Variants in ACVR1 observed in about 807,000 individuals in gnomAD.
ACVR1 encodes the protein activin A receptor type 1, also known as activin receptor type-1.
A neutral mutation model predicts 57.1 loss-of-function variants in ACVR1; 38 were observed. That is an observed-to-expected ratio of 0.67 (90% CI 0.51 to 0.87). The LOEUF (loss-of-function observed/expected upper bound fraction) is 0.87. Ranked by LOEUF, ACVR1 falls within the 40% of genes least tolerant of loss-of-function variation. ACVR1 has a pLI of 0.00. For synonymous variants in ACVR1, 212 were observed against 228.1 expected (o/e 0.93, Z 0.63); for missense variants, 463 against 638.2 (o/e 0.73, Z 2.96).
At chr2:157,772,976 TC>T (rs965044318) in intron 6 of ACVR1, among the ~76,000 whole-genome samples, 1 of 152,162 alleles carries the variant, frequency 6.6e-6, no homozygotes, top group African/African-American at 2.4e-5. Context: ...GGGGTGTCCC[TC>T]TTTCCATGAA....
At chr2:157,839,511 T>A (rs1371426777) in intron 1 of ACVR1, among the ~76,000 whole-genome samples, 1 of 152,160 alleles carries the variant, frequency 6.6e-6, no homozygotes, top group Non-Finnish European at 1.5e-5. Context: ...TGAATCTGAA[T>A]GGCCCAGGGA....
At chr2:157,757,316 A>C (rs1369450122) in intron 9 of ACVR1, among the ~76,000 whole-genome samples, 1 of 151,766 alleles carries the variant, frequency 6.6e-6, no homozygotes, top group Non-Finnish European at 1.5e-5. Context: ...AAGGCATAGA[A>C]AACTTATCCC....
At chr2:157,793,555 C>T (rs1686999188) in intron 3 of ACVR1, among the ~76,000 whole-genome samples, 2 of 152,164 alleles carry the variant, frequency 1.3e-5, no homozygotes, top group South Asian at 4.1e-4. Context: ...CAGATATTTA[C>T]ATTCTAGGTC....
chr2:157,774,408 A>G (rs1686193858), intron 5 of ACVR1, among the ~76,000 whole-genome samples: 1 of 152,224 alleles, frequency 6.6e-6, no homozygotes, highest in Non-Finnish European at 1.5e-5. Context: ...CTTGTTGCCC[A>G]GGCTGCAGTT....
intron 5 of ACVR1, among the ~76,000 whole-genome samples, chr2:157,776,025 G>A (rs72921044): frequency 0.063 from 9,596 of 152,272 alleles, 321 homozygotes; most frequent in Non-Finnish European, 0.089. Context: ...GCATGGCCAA[G>A]GCTTGTTTTT....
chr2:157,739,729 G>A (rs898490306), intron 9 of ACVR1, among the ~76,000 whole-genome samples: 4 of 152,092 alleles, frequency 2.6e-5, no homozygotes, highest in African/African-American at 9.7e-5. Context: ...CTCAACAGTG[G>A]GAATCCATCC....
chr2:157,743,422 G>T (rs74425375), intron 9 of ACVR1, among the ~76,000 whole-genome samples: 1 of 151,696 alleles, frequency 6.6e-6, no homozygotes. Flanking sequence ...CCTTTAAATC[G>T]GATATTCTGG....
In ACVR1 at chr2:157,737,283, G is replaced by A. The variant is rs1684567802; in HGVS notation, c.*248C>T. The A allele has an allele frequency of 3.5e-6, 2 of 565,836 alleles. No individual in the cohort carries two copies. Among genetic ancestry groups the A allele is most frequent in the African/African-American group, 1.9e-5 (1 of 53,506 alleles). 35.1% of individuals were successfully genotyped at this position (565,836 alleles called of 1,614,324 possible). On this transcript the variant is annotated 3_prime_UTR_variant, in exon 11 of 11. Coordinates refer to ENST00000434821, the MANE Select transcript of ACVR1 (RefSeq NM_001111067.4). ...CTCCAGTCCCTACCTTTGCAACAGTGTCTGTCCAACATTAGTCTCTGCAGT... is the reference window on the plus strand; with the variant it reads ...CTCCAGTCCCTACCTTTGCAACAGTATCTGTCCAACATTAGTCTCTGCAGT...
At chr2:157,774,436 T>C (rs1686195387) in intron 5 of ACVR1, among the ~76,000 whole-genome samples, 1 of 152,126 alleles carries the variant, frequency 6.6e-6, no homozygotes, top group Admixed American at 6.6e-5. Flanking sequence ...GCAATCTGGG[T>C]TCACTGCAAC....
intron 3 of ACVR1, among the ~76,000 whole-genome samples, chr2:157,793,251 A>C (rs2105297752): frequency 6.6e-6 from 1 of 152,260 alleles, no homozygotes; most frequent in South Asian, 2.1e-4. Flanking sequence ...TTAGGTGTTG[A>C]ATTTGTTTTC....
At chr2:157,737,800 CT>C in intron 10 of ACVR1, 135 bp from the exon 11 acceptor site, 1 of 1,201,598 alleles carries the variant, frequency 8.3e-7, no homozygotes. Context: ...CTGTCATCTT[CT>C]TCAAGCAAAT....
chr2:157,790,526 A>G (rs1030312213), intron 3 of ACVR1, among the ~76,000 whole-genome samples: 2 of 152,248 alleles, frequency 1.3e-5, no homozygotes, highest in Non-Finnish European at 2.9e-5. Flanking sequence ...AAGTTGTTAG[A>G]AAAGTCAGCA....
rs557032568 is a variant in ACVR1 at position 157,821,453 on chromosome 2, A to G, written c.-182-2894T>C. Among the ~76,000 whole-genome samples, 13 of 152,296 alleles carry G rather than the reference A, an allele frequency of 8.5e-5. No homozygotes were observed. In the South Asian group the frequency reaches 2.5e-3, roughly 29 times the overall value. Reference sequence around the variant, plus strand: ...GGCACGAGACTCGCTTGAACCCGGAAGGTGGAGGCTGCAGTGAGCCAAGAT... The same window carrying G: ...GGCACGAGACTCGCTTGAACCCGGAGGGTGGAGGCTGCAGTGAGCCAAGAT... On this transcript the variant is annotated intron_variant, in intron 1 of 10. Coordinates refer to ENST00000434821, the MANE Select transcript of ACVR1 (RefSeq NM_001111067.4).
At chr2:157,745,887 AT>A in intron 9 of ACVR1, among the ~76,000 whole-genome samples, 2 of 152,306 alleles carry the variant, frequency 1.3e-5, no homozygotes, top group East Asian at 3.9e-4. Flanking sequence ...TGACTCAAAG[AT>A]TCATTAGAAG....
intron 1 of ACVR1, among the ~76,000 whole-genome samples, chr2:157,860,604 CTTAT>C (rs997116285): frequency 9.2e-5 from 14 of 152,162 alleles, no homozygotes; most frequent in African/African-American, 3.1e-4. Context: ...ATTTTTCAAA[CTTAT>C]TTGAGGACCT....
chr2:157,765,015 C>G (rs908437826), intron 8 of ACVR1, among the ~76,000 whole-genome samples: 12 of 152,030 alleles, frequency 7.9e-5, no homozygotes, highest in African/African-American at 2.9e-4. Flanking sequence ...CTTTATCAGG[C>G]TAACAATAAT....
At chr2:157,846,107 T>C (rs1689120018) in intron 1 of ACVR1, among the ~76,000 whole-genome samples, 1 of 152,222 alleles carries the variant, frequency 6.6e-6, no homozygotes, top group Admixed American at 6.5e-5. Context: ...TATCCTGGAT[T>C]ATCCGGGTAG....
chr2:157,778,596 C>T (rs1686386704), intron 4 of ACVR1, among the ~76,000 whole-genome samples: 1 of 152,102 alleles, frequency 6.6e-6, no homozygotes, highest in African/African-American at 2.4e-5. Context: ...TGTGAGAGTG[C>T]TTTTAAAATA....
At chr2:157,773,309 G>A (rs1336503068) in intron 6 of ACVR1, among the ~76,000 whole-genome samples, 1 of 152,114 alleles carries the variant, frequency 6.6e-6, no homozygotes, top group Admixed American at 6.5e-5. Context: ...AAAACAAGCT[G>A]TAAAAAACAT....
Sources: gnomAD v4.1 joint callset for allele counts (sites outside exome capture counted in the v4.1 genomes callset) on GRCh38, gnomAD v4.1.1 for gene constraint, MANE v1.5 for transcripts, NCBI Gene and HGNC (gene_info 2026-07-23, HGNC 2026-07-21) for gene names.